Variants in CENPO observed in about 807,000 individuals in gnomAD.
The protein encoded by CENPO is centromeric protein O.
CENPO carries 30 observed loss-of-function variants against 36.1 expected under a neutral mutation model. The observed-to-expected ratio is 0.83, with a 90% CI of 0.62 to 1.13. The LOEUF (loss-of-function observed/expected upper bound fraction) is 1.13. Ranked by LOEUF, CENPO falls within the 50% of genes most tolerant of loss-of-function variation. The probability of loss-of-function intolerance (pLI) is 0.00; values close to 1 mark genes in which losing one functional copy is unlikely to be tolerated. For synonymous variants in CENPO, 171 were observed against 142.3 expected (o/e 1.20, Z -1.44); for missense variants, 349 against 357.8 (o/e 0.98, Z 0.20).
chr2:24,802,346 C>A (rs994377670), intron 3 of CENPO, among the ~76,000 whole-genome samples: 6 of 151,972 alleles, frequency 3.9e-5, no homozygotes, highest in Admixed American at 2.0e-4. Context: ...TTGCCCTGGC[C>A]AGAACTTCCA....
intron 1 of CENPO, 157 bp downstream of exon 1, chr2:24,793,658 ATGGGCGCGGGGG>A: frequency 8.1e-7 from 1 of 1,230,010 alleles, no homozygotes; most frequent in South Asian, 1.6e-5. Context: ...GGGCCGCGGG[ATGGGCGCGGGGG>A]TGGGCATGGA....
Position 24,816,638 on chromosome 2 carries a change from C to G in CENPO, c.595-8C>G. The G allele has an allele frequency of 6.3e-7, 1 of 1,587,340 alleles. No individual in the cohort carries two copies. Among genetic ancestry groups the G allele is most frequent in the Non-Finnish European group, 8.6e-7 (1 of 1,168,188 alleles). On this transcript the variant is annotated splice_polypyrimidine_tract_variant and splice_region_variant and intron_variant, in intron 5 of 7. Transcript: ENST00000380834. ...CCTCTACTTCGTTTTGTTCCTCACC[C>G]CTCTTAGAGTGACTTTGCAGCCCTC...
Position 24,805,119 on chromosome 2 carries a change from G to A in CENPO, c.216+5275G>A, listed in dbSNP as rs554918537. On this transcript the variant is annotated intron_variant, in intron 3 of 7. Coordinates refer to ENST00000380834, the MANE Select transcript of CENPO (RefSeq NM_001322101.2). ...GCCCTTTCTTCCAGTTGATCGAATC[G>A]GCTACTGAGGCTTGTGCATTCGTCA... 2.6e-5 allele frequency among the ~76,000 whole-genome samples: 4 copies of A among 152,120 alleles called. No individual in the cohort carries two copies. In the East Asian group the frequency reaches 5.8e-4, roughly 22 times the overall value.
At chr2:24,806,895 T>A (rs926138708) in intron 3 of CENPO, among the ~76,000 whole-genome samples, 2 of 152,214 alleles carry the variant, frequency 1.3e-5, no homozygotes, top group Non-Finnish European at 2.9e-5. Context: ...CCTTTGTCCT[T>A]CCTCCATTGC....
At chr2:24,801,087 G>T (rs1241475204) in intron 3 of CENPO, among the ~76,000 whole-genome samples, 1 of 152,190 alleles carries the variant, frequency 6.6e-6, no homozygotes, top group Non-Finnish European at 1.5e-5. Context: ...GTGATGATGA[G>T]CATTTTTTCA....
At chr2:24,809,477 C>T (rs941333712) in intron 3 of CENPO, among the ~76,000 whole-genome samples, 3 of 151,930 alleles carry the variant, frequency 2.0e-5, no homozygotes, top group Admixed American at 6.6e-5. Context: ...AAAATTTTCC[C>T]TCTAACCACA....
At position 24,820,474 on chromosome 2, in the gene CENPO, A is replaced by ACACACAAG; in HGVS notation, c.*1156_*1157insCACACAAG. The ACACACAAG allele has an allele frequency of 2.2e-6, 3 of 1,386,176 alleles. No individual in the cohort carries two copies. Among genetic ancestry groups the ACACACAAG allele is most frequent in the Non-Finnish European group, 2.8e-6 (3 of 1,072,044 alleles). 85.9% of individuals were successfully genotyped at this position (1,386,176 alleles called of 1,614,324 possible). On this transcript the variant is annotated 3_prime_UTR_variant, in exon 8 of 8. Transcript: ENST00000380834. Reference sequence around the variant, plus strand: ...CCACTGAGACAGATCACAAGGTATTAGAAGGTTCATACCCAAAGGTAGGCC... The same window carrying ACACACAAG: ...CCACTGAGACAGATCACAAGGTATTACACACAAGGAAGGTTCATACCCAAAGGTAGGCC...
At chr2:24,805,325 C>T (rs1033947238) in intron 3 of CENPO, among the ~76,000 whole-genome samples, 1 of 152,212 alleles carries the variant, frequency 6.6e-6, no homozygotes, top group East Asian at 1.9e-4. Flanking sequence ...TCTCTCAACT[C>T]GTCAAAGTCA....
In CENPO at chr2:24,820,616, C is replaced by A; in HGVS notation, c.*1298C>A. 1.3e-6 allele frequency: 2 copies of A among 1,544,704 alleles called. No homozygotes were observed. Among genetic ancestry groups the A allele is most frequent in the Non-Finnish European group, 1.8e-6 (2 of 1,139,418 alleles). The stretch of plus-strand genomic sequence containing the variant: ...CTTGCCCCACGTCTCTGCCTCTGGA[C>A]TTACTGTTCAGGGCCAGGGTGGGAG... On this transcript the variant is annotated 3_prime_UTR_variant, in exon 8 of 8. Transcript: ENST00000380834.
intron 3 of CENPO, among the ~76,000 whole-genome samples, chr2:24,802,760 G>A (rs1209380276): frequency 7.2e-5 from 11 of 152,200 alleles, no homozygotes; most frequent in Non-Finnish European, 1.5e-4. Flanking sequence ...TTGCATCGAC[G>A]TTCATCAGGG....
chr2:24,814,628 A>T, intron 4 of CENPO, 135 bp downstream of exon 4: 1 of 640,198 alleles, frequency 1.6e-6, no homozygotes, highest in Non-Finnish European at 2.8e-6. Context: ...ACTCACACAC[A>T]CACACACACA....
At chr2:24,814,348 C>T (rs768003949) in intron 3 of CENPO, 28 bp from the exon 4 acceptor site, 2 of 1,110,604 alleles carry the variant, frequency 1.8e-6, no homozygotes, top group African/African-American at 3.1e-5. Context: ...CTCTTTGTAC[C>T]AAGATTGATT....
intron 5 of CENPO, 77 bp downstream of exon 5, chr2:24,815,833 A>C: frequency 7.2e-7 from 1 of 1,388,624 alleles, no homozygotes; most frequent in Non-Finnish European, 1.0e-6. Context: ...TTGTATTTTC[A>C]GTGTTTCCTA....
chr2:24,815,371 T>C, intron 4 of CENPO, 126 bp from the exon 5 acceptor site: 1 of 731,492 alleles, frequency 1.4e-6, no homozygotes, highest in Non-Finnish European at 2.4e-6. Context: ...CCTATGATAC[T>C]CATTGAACAA....
Position 24,820,806 on chromosome 2 carries a change from C to T in CENPO, c.*1488C>T, listed in dbSNP as rs1228078201. On this transcript the variant is annotated 3_prime_UTR_variant, in exon 8 of 8. Coordinates refer to ENST00000380834, the MANE Select transcript of CENPO (RefSeq NM_001322101.2). ...GCCCCAGATGTCGTAGTGTGGTTTC[C>T]GGGCTCCGATGACCCCAGCCAGAAC... is the stretch of plus-strand genomic sequence containing the variant. The T allele has an allele frequency of 6.8e-6, 11 of 1,614,066 alleles. No homozygotes were observed. The highest frequency in any genetic ancestry group is 1.1e-5 in the South Asian group (1 of 91,076).
chr2:24,803,035 C>T (rs1484295668), intron 3 of CENPO, among the ~76,000 whole-genome samples: 1 of 152,204 alleles, frequency 6.6e-6, no homozygotes, highest in Non-Finnish European at 1.5e-5. Context: ...AGAGGTTCAA[C>T]TTCTTCCTGG....
In CENPO at chr2:24,816,675, C is replaced by G. The variant is rs775233477; in HGVS notation, c.624C>G (p.Pro208=). The change falls in exon 6 of 8, where the codon CCC becomes CCG. Residue 208 remains proline (P), a synonymous_variant. Coordinates refer to ENST00000380834, the MANE Select transcript of CENPO (RefSeq NM_001322101.2). ...ACTTTGCAGCCCTCCTGACTGGGCC[C>G]TTGCAGAGAAACCCACTGTGTAACT... The part of the protein sequence containing the change: ...QSDFAALLTG[P]LQRNPLCNLL... The G allele has an allele frequency of 6.2e-7, 1 of 1,611,752 alleles. No individual in the cohort carries two copies. The highest frequency in any genetic ancestry group is 8.5e-7 in the Non-Finnish European group (1 of 1,179,032).
chr2:24,815,288 T>C (rs1267647288), intron 4 of CENPO, among the ~76,000 whole-genome samples: 2 of 152,200 alleles, frequency 1.3e-5, no homozygotes, highest in African/African-American at 4.8e-5. Flanking sequence ...AGGTTGTTTT[T>C]TCATTTTTAC....
intron 2 of CENPO, among the ~76,000 whole-genome samples, chr2:24,797,676 G>C (rs1217692041): frequency 6.6e-6 from 1 of 152,178 alleles, no homozygotes; most frequent in Non-Finnish European, 1.5e-5. Context: ...GCACAAAATA[G>C]ATGCTTAATA....
Sources: allele counts gnomAD v4.1 joint callset (sites outside exome capture counted in the v4.1 genomes callset), GRCh38; gene constraint gnomAD v4.1.1; transcripts MANE v1.5; gene names NCBI Gene and HGNC (gene_info 2026-07-23, HGNC 2026-07-21).